Variants in CHD2 observed in about 807,000 individuals in gnomAD.
The protein encoded by CHD2 is chromodomain helicase DNA binding protein 2.
CHD2 carries 28 observed loss-of-function variants against 243.9 expected under a neutral mutation model. The ratio of observed to expected loss-of-function variants is 0.11; its 90% CI spans 0.09 to 0.16. CHD2 has a LOEUF of 0.16. CHD2 is among the 10% of genes least tolerant of loss of function. The pLI is 1.00. For synonymous variants in CHD2, 775 were observed against 779.0 expected (o/e 0.99, Z 0.09); for missense variants, 1,386 against 2,209.8 (o/e 0.63, Z 7.47).
intron 26 of CHD2, among the ~76,000 whole-genome samples, chr15:92,985,949 G>C (rs1204081431): frequency 1.3e-5 from 2 of 152,108 alleles, no homozygotes; most frequent in Non-Finnish European, 2.9e-5. Context: ...CGGGGAAGGA[G>C]ATAATTGACA....
chr15:92,955,030 A>G (rs757461668), intron 14 of CHD2, among the ~76,000 whole-genome samples: 6 of 152,078 alleles, frequency 3.9e-5, no homozygotes, highest in African/African-American at 7.2e-5. Context: ...AATTTGTTTT[A>G]CTTGTTAATA....
chr15:92,939,844 T>A lies in CHD2; in HGVS notation c.692+126T>A, dbSNP rs139652039. The A allele has an allele frequency of 4.6e-3, 4,817 of 1,047,578 alleles. 241 individuals are homozygous for A. In the Admixed American group the frequency reaches 0.097, roughly 21 times the overall value. The allele number at this position is 1,047,578 out of a possible 1,614,324, so 64.9% of individuals were successfully genotyped here. A position where few individuals can be genotyped will look rare whatever the true frequency, so the allele number is the denominator to read the frequency against. ...AATAACAGCCTATGTCCTGAAGTTG[T>A]TTTCAGAAATCTGGTTAGCTTTCTT... On this transcript the variant is annotated intron_variant, in intron 7 of 38. Coordinates refer to ENST00000394196, the MANE Select transcript of CHD2 (RefSeq NM_001271.4).
intron 2 of CHD2, among the ~76,000 whole-genome samples, chr15:92,910,567 A>C (rs182702560): frequency 6.6e-6 from 1 of 152,006 alleles, no homozygotes; most frequent in East Asian, 1.9e-4. Context: ...GCTACTTCTT[A>C]CTATTTTTAG....
chr15:92,948,994 C>G lies in CHD2; in HGVS notation c.1420C>G (p.Pro474Ala), dbSNP rs151188282. 1.2e-6 allele frequency: 2 copies of G among 1,613,848 alleles called. No homozygotes were observed. Among genetic ancestry groups the G allele is most frequent in the Non-Finnish European group, 1.7e-6 (2 of 1,179,980 alleles). The change falls in exon 13 of 39, where the codon CCT (proline) becomes GCT (alanine). Residue 474 changes from proline to alanine, a missense_variant. Physicochemically the swap from Pro to Ala is conservative, Grantham distance 27. This residue lies in a region of CHD2 where 14 missense variants were observed against 26.8 expected (regional missense o/e 0.52). Coordinates refer to ENST00000394196, the MANE Select transcript of CHD2 (RefSeq NM_001271.4). ...ACGATTTGTAGCTTTAAAGAAACAA[C>G]CTGCATATTTAGGAGGGGAGAATCT... ...RPRFVALKKQ[P>A]AYLGGENLEL... is the part of the protein sequence containing the mutation.
chr15:93,002,307 A>G lies in CHD2; in HGVS notation c.4268A>G (p.Lys1423Arg). The part of the protein sequence containing the change: ...GDKERKKSKD[K>R]KEKPKSGDAK... ...AAGGAAAGAAAGAAGTCAAAAGATAAGAAAGAGAAGGTAATGATGCCCTTC... is the reference window on the plus strand; with the variant it reads ...AAGGAAAGAAAGAAGTCAAAAGATAGGAAAGAGAAGGTAATGATGCCCTTC... The change falls in exon 33 of 39, where the codon AAG becomes AGG. Residue 1423 changes from lysine to arginine, a missense_variant. By Grantham distance (26) the Lys-to-Arg change is conservative. Coordinates refer to ENST00000394196, the MANE Select transcript of CHD2 (RefSeq NM_001271.4). The G allele has an allele frequency of 6.3e-7, 1 of 1,595,188 alleles. No homozygotes were observed. Among genetic ancestry groups the G allele is most frequent in the South Asian group, 1.2e-5 (1 of 86,368 alleles).
At chr15:92,959,806 A>G (rs886492845) in intron 16 of CHD2, among the ~76,000 whole-genome samples, 2 of 152,222 alleles carry the variant, frequency 1.3e-5, no homozygotes, top group African/African-American at 4.8e-5. Context: ...CTGCTTTTTA[A>G]AAATGGAGAA....
chr15:92,901,466 C>A, intron 2 of CHD2, 167 bp downstream of exon 2: 1 of 607,738 alleles, frequency 1.6e-6, no homozygotes, highest in South Asian at 2.1e-5. Flanking sequence ...ATGCCACACC[C>A]TAATTTTTTG....
intron 5 of CHD2, among the ~76,000 whole-genome samples, chr15:92,935,926 TC>T (rs2053259504): frequency 6.6e-6 from 1 of 152,086 alleles, no homozygotes; most frequent in Non-Finnish European, 1.5e-5. Flanking sequence ...GCGCATTCTT[TC>T]ATTGATTTTT....
Position 93,004,666 on chromosome 15 carries a change from G to A in CHD2, c.4328G>A (p.Gly1443Asp), listed in dbSNP as rs1463078186. 1.2e-6 allele frequency: 2 copies of A among 1,613,754 alleles called. No individual in the cohort carries two copies. Residue 1443 changes from glycine (G) to aspartate (D), a missense_variant, in exon 34 of 39, where the codon GGT becomes GAT. Physicochemically the swap from Gly to Asp is moderately conservative, Grantham distance 94. Transcript: ENST00000394196. ...KSSSKSKRSQ[G>D]PVHITAGSEP... ...TCGAGTAAATCAAAGCGATCTCAGG[G>A]TCCTGTCCATATTACAGCAGGAAGT...
At chr15:92,948,270 CTG>C (rs996718606) in intron 12 of CHD2, among the ~76,000 whole-genome samples, 3 of 151,926 alleles carry the variant, frequency 2.0e-5, no homozygotes, top group African/African-American at 7.3e-5. Context: ...TGAAGATCAA[CTG>C]TATTTAGCAT....
intron 2 of CHD2, chr15:92,901,930 G>C (rs1178768574): frequency 8.5e-6 from 3 of 353,454 alleles, no homozygotes; most frequent in Non-Finnish European, 1.5e-5. Flanking sequence ...ACCTTTACTT[G>C]ATGGTTAGAG....
intron 16 of CHD2, among the ~76,000 whole-genome samples, chr15:92,966,809 C>G (rs908871350): frequency 6.6e-6 from 1 of 151,426 alleles, no homozygotes; most frequent in African/African-American, 2.4e-5. Flanking sequence ...ACTTGGGAGG[C>G]TGAGGCAGGA....
intron 26 of CHD2, among the ~76,000 whole-genome samples, chr15:92,989,560 G>C: frequency 6.6e-6 from 1 of 152,028 alleles, no homozygotes; most frequent in South Asian, 2.1e-4. Context: ...TACTCCTTTA[G>C]CTTAGTGGTC....
In CHD2 at chr15:93,004,664, G is replaced by A. The variant is rs2054297825; in HGVS notation, c.4326G>A (p.Gln1442=). 1 of 1,613,108 alleles carries A rather than the reference G, an allele frequency of 6.2e-7. No individual in the cohort carries two copies. The highest frequency in any genetic ancestry group is 1.7e-5 in the Admixed American group (1 of 59,914). The change falls in exon 34 of 39, where the codon CAG becomes CAA. Residue 1442 remains glutamine, a synonymous_variant. Coordinates refer to ENST00000394196, the MANE Select transcript of CHD2 (RefSeq NM_001271.4). ...CTTCGAGTAAATCAAAGCGATCTCA[G>A]GGTCCTGTCCATATTACAGCAGGAA... ...AKSSSKSKRS[Q]GPVHITAGSE...
intron 24 of CHD2, among the ~76,000 whole-genome samples, chr15:92,983,103 C>T (rs1325858091): frequency 6.6e-6 from 1 of 152,056 alleles, no homozygotes; most frequent in African/African-American, 2.4e-5. Context: ...GGCAGTAATC[C>T]TATTATGAGG....
At chr15:92,916,234 CAT>C (rs2052833077) in intron 2 of CHD2, among the ~76,000 whole-genome samples, 1 of 133,280 alleles carries the variant, frequency 7.5e-6, no homozygotes, top group Non-Finnish European at 1.7e-5. Context: ...ACCCTGGGCA[CAT>C]ACCATCAGGA....
rs567922140 is a variant in CHD2, at chr15:92,904,331, C to T, written c.62+3032C>T. ...GCGGGGTGCTGATTGGCTGTGCGCGCGCCTGGTAACAGCAGGGTCAACGGC... is the reference window on the plus strand; with the variant it reads ...GCGGGGTGCTGATTGGCTGTGCGCGTGCCTGGTAACAGCAGGGTCAACGGC... On this transcript the variant is annotated intron_variant, in intron 2 of 38. Transcript: ENST00000394196. The T allele has an allele frequency of 8.0e-4, 410 of 509,470 alleles. 3 individuals carry two copies. The highest frequency in any genetic ancestry group is 7.8e-3 in the African/African-American group (377 of 48,258). 31.6% of individuals were successfully genotyped at this position (509,470 alleles called of 1,614,324 possible).
rs1164926261 is a variant in CHD2, at chr15:93,014,766, G to A, written c.4763G>A (p.Arg1588Gln). ...PFRPEASGSS[R>Q]DSLISQSHTS... is the part of the protein sequence containing the mutation. ...CGTCCAGAGGCCTCAGGCTCCAGCC[G>A]GGACTCTCTGATATCTCAGTCCCAT... The change falls in exon 37 of 39, where the codon CGG becomes CAG. Residue 1588 changes from arginine (R) to glutamine (Q), a missense_variant. This residue lies in a region of CHD2 where 347 missense variants were observed against 341.6 expected (regional missense o/e 1.02). Transcript: ENST00000394196. 3.1e-6 allele frequency: 5 copies of A among 1,614,142 alleles called. No individual in the cohort carries two copies. Among genetic ancestry groups the A allele is most frequent in the African/African-American group, 1.3e-5 (1 of 75,016 alleles).
rs199828490 is a variant in CHD2, at chr15:92,979,294, G to A, written c.2876+11G>A. The A allele has an allele frequency of 9.2e-4, 1,477 of 1,612,450 alleles. 20 individuals carry two copies. The highest frequency in any genetic ancestry group is 3.3e-4 in the Admixed American group (20 of 59,730). ...CTCAGGAAGGTCCAAGTAAGTGCCA[G>A]GAAGATTGGGAGGTAGGCAGAATCA... On this transcript the variant is annotated intron_variant, in intron 22 of 38. Transcript: ENST00000394196.
Sources: gnomAD v4.1 joint callset for allele counts (sites outside exome capture counted in the v4.1 genomes callset) on GRCh38, gnomAD v4.1.1 for gene constraint, gnomAD v4.1.1 regional missense constraint, MANE v1.5 for transcripts, NCBI Gene and HGNC (gene_info 2026-07-23, HGNC 2026-07-21) for gene names.